Variants in ATP7B observed in about 807,000 individuals in gnomAD.
ATP7B encodes the protein copper-transporting ATPase 2.
Under a neutral mutation model 118.9 loss-of-function variants are expected in ATP7B, and 113 were observed. The ratio of observed to expected loss-of-function variants is 0.95; its 90% CI spans 0.82 to 1.11. The LOEUF is 1.11. Among genes scored for constraint, ATP7B ranks in the 50% most tolerant of loss-of-function variants. The pLI, the probability that ATP7B is intolerant of heterozygous loss-of-function variation, is 0.00. For missense variants in ATP7B, 1,867 were observed against 1,871.4 expected (o/e 1.00, Z 0.04); for synonymous variants, 777 against 727.4 (o/e 1.07, Z -1.10).
Position 51,944,238 on chromosome 13 carries a change from C to T in ATP7B, c.3114G>A (p.Arg1038=), listed in dbSNP as rs761888880. ...CCCCCAGCAGGAGCACCCGCATGAC[C>T]CTGGGGACGCCATGGGTAATGGTGC... ...KTGTITHGVP[R]VMRVLLLGDV... is the part of the protein sequence containing the mutation. Residue 1038 remains arginine (R), a synonymous_variant, in exon 14 of 21, where the codon AGG becomes AGA. Transcript: ENST00000242839. The T allele has an allele frequency of 1.1e-5, 18 of 1,613,962 alleles. No individual in the cohort carries two copies. Among genetic ancestry groups the T allele is most frequent in the African/African-American group, 4.0e-5 (3 of 74,924 alleles).
At chr13:51,948,158 G>A (rs151337128) in intron 12 of ATP7B, among the ~76,000 whole-genome samples, 1 of 152,298 alleles carries the variant, frequency 6.6e-6, no homozygotes, top group Admixed American at 6.5e-5. Context: ...ATTTGAGGGA[G>A]AAAATACATC....
In ATP7B at chr13:51,968,695, T is replaced by C. The variant is rs149275427; in HGVS notation, c.1544-88A>G. The C allele has an allele frequency of 1.4e-5, 21 of 1,476,770 alleles. No homozygotes were observed. In the Middle Eastern group the frequency reaches 1.2e-3, roughly 82 times the overall value. The allele number at this position is 1,476,770 out of a possible 1,614,324, so 91.5% of individuals were successfully genotyped here. On this transcript the variant is annotated intron_variant, in intron 3 of 20. Transcript: ENST00000242839. ...CAATATAACCGAACAAAGAAACACATCTTCCCAGAATCCTCTAGAACAGCA... is the reference window on the plus strand; with the variant it reads ...CAATATAACCGAACAAAGAAACACACCTTCCCAGAATCCTCTAGAACAGCA...
chr13:51,983,489 A>G (rs1952517146), intron 1 of ATP7B, among the ~76,000 whole-genome samples: 1 of 152,130 alleles, frequency 6.6e-6, no homozygotes, highest in Non-Finnish European at 1.5e-5. Context: ...GTGCAGCTTC[A>G]GCAGTCTCAA....
chr13:51,947,486 G>C (rs898114163), intron 12 of ATP7B, among the ~76,000 whole-genome samples: 2 of 152,164 alleles, frequency 1.3e-5, no homozygotes, highest in African/African-American at 4.8e-5. Context: ...ATAATCAAGA[G>C]ATACTATGTT....
intron 9 of ATP7B, among the ~76,000 whole-genome samples, chr13:51,951,085 T>A (rs921692515): frequency 6.6e-6 from 1 of 151,932 alleles, no homozygotes; most frequent in African/African-American, 2.4e-5. Flanking sequence ...GGCTGCTGCA[T>A]GAGAATGGGC....
chr13:51,960,604 G>A (rs544105907), intron 6 of ATP7B, among the ~76,000 whole-genome samples: 1 of 152,300 alleles, frequency 6.6e-6, no homozygotes, highest in South Asian at 2.1e-4. Flanking sequence ...GGTGAGGCAA[G>A]TGAGGCCCCA....
At chr13:51,967,561 C>T (rs576473340) in intron 4 of ATP7B, among the ~76,000 whole-genome samples, 3 of 152,168 alleles carry the variant, frequency 2.0e-5, no homozygotes, top group South Asian at 2.1e-4. Flanking sequence ...ATCAGCTATG[C>T]CCTCCAGACA....
Position 51,937,279 on chromosome 13 carries a change from C to T in ATP7B, c.4018G>A (p.Ala1340Thr). The T allele has an allele frequency of 1.2e-6, 2 of 1,613,772 alleles. No homozygotes were observed. Among genetic ancestry groups the T allele is most frequent in the East Asian group, 2.2e-5 (1 of 44,882 alleles). Residue 1340 changes from alanine to threonine, a missense_variant, in exon 19 of 21, where the codon GCA (alanine) becomes ACA (threonine). Ala to Thr is a moderately conservative substitution (Grantham distance 58). Coordinates refer to ENST00000242839, the MANE Select transcript of ATP7B (RefSeq NM_000053.4). ...ACAGTGGGTAAGAGCTGCCTACCTG[C>T]TGCAATGGGTATCCCAACCAGGTTA... ...IYNLVGIPIA[A>T]GVFMPIGIVL...
At chr13:51,942,339 A>G (rs376492632) in intron 15 of ATP7B, 47 bp downstream of exon 15, 152 of 1,610,760 alleles carry the variant, frequency 9.4e-5, no homozygotes, top group Non-Finnish European at 1.3e-4. Flanking sequence ...CTGTGGTTTG[A>G]CCCACCTCTA....
chr13:51,992,556 C>T (rs928441333), intron 1 of ATP7B, among the ~76,000 whole-genome samples: 9 of 152,174 alleles, frequency 5.9e-5, no homozygotes, highest in African/African-American at 2.2e-4. Context: ...CTTTGAGTCA[C>T]AATTGAAATT....
At chr13:52,011,547 T>A (rs1479475149), upstream of ATP7B, 9 of 655,938 alleles carry the variant, frequency 1.4e-5, no homozygotes, top group East Asian at 2.2e-4. Context: ...CACGGATGAT[T>A]CAAAGTTGCG....
chr13:51,989,059 T>A (rs1320332358), intron 1 of ATP7B, among the ~76,000 whole-genome samples: 1 of 152,012 alleles, frequency 6.6e-6, no homozygotes, highest in African/African-American at 2.4e-5. Flanking sequence ...GTATAATTTT[T>A]TAAAAAAAGA....
Position 51,974,771 on chromosome 13 carries a change from T to G in ATP7B, c.449A>C (p.Glu150Ala). The G allele has an allele frequency of 6.2e-7, 1 of 1,614,056 alleles. No individual in the cohort carries two copies. Among genetic ancestry groups the G allele is most frequent in the Admixed American group, 1.7e-5 (1 of 60,014 alleles). Residue 150 changes from glutamate (E) to alanine (A), a missense_variant, in exon 2 of 21, where the codon GAG (glutamate) becomes GCG (alanine). Coordinates refer to ENST00000242839, the MANE Select transcript of ATP7B (RefSeq NM_000053.4). ...GACACAGGACTGGCAGGTCATGCCCTCCACCCGGAGCTTGACCACAGCCTC... is the reference window on the plus strand; with the variant it reads ...GACACAGGACTGGCAGGTCATGCCCGCCACCCGGAGCTTGACCACAGCCTC... ...AQEAVVKLRV[E>A]GMTCQSCVSS...
intron 1 of ATP7B, among the ~76,000 whole-genome samples, chr13:51,983,662 G>GC (rs35703144): frequency 0.7 from 106,211 of 151,828 alleles, 37,280 homozygotes; most frequent in Middle Eastern, 0.74. Context: ...ATACAAGAGA[G>GC]TCTGGCTGGC....
At chr13:51,948,644 T>TC (rs759443946) in intron 12 of ATP7B, among the ~76,000 whole-genome samples, 27 of 152,026 alleles carry the variant, frequency 1.8e-4, no homozygotes, top group Non-Finnish European at 3.8e-4. Flanking sequence ...TTTAGCAGCA[T>TC]CCCCCCAGTC....
chr13:51,958,565 A>C, intron 7 of ATP7B, 21 bp from the exon 8 acceptor site: 1 of 1,606,928 alleles, frequency 6.2e-7, no homozygotes, highest in Non-Finnish European at 8.5e-7. Flanking sequence ...AGGACAGTGA[A>C]GGCTGCCAGC....
At chr13:52,004,642 C>T (rs1953684565) in intron 1 of ATP7B, among the ~76,000 whole-genome samples, 1 of 152,146 alleles carries the variant, frequency 6.6e-6, no homozygotes. Flanking sequence ...CAGCTTATAA[C>T]TAGGCCTTTC....
chr13:51,984,679 C>T (rs1443632618), intron 1 of ATP7B, among the ~76,000 whole-genome samples: 1 of 152,162 alleles, frequency 6.6e-6, no homozygotes, highest in Non-Finnish European at 1.5e-5. Context: ...GGTCAGGTTA[C>T]CCACAAAGGG....
rs143323602 is a variant in ATP7B, at chr13:51,969,709, T to C, written c.1543+783A>G. Among the ~76,000 whole-genome samples, 459 of 152,292 alleles carry C rather than the reference T, an allele frequency of 3.0e-3. 1 individual carries two copies. The highest frequency in any genetic ancestry group is 4.5e-3 in the Non-Finnish European group (305 of 68,022). ...CAGAAACATAGGCTATAGGAGATTA[T>C]AGGCTAATTTTATGAGCAGTCAGAC... is the stretch of plus-strand genomic sequence containing the variant. On this transcript the variant is annotated intron_variant, in intron 3 of 20. Coordinates refer to ENST00000242839, the MANE Select transcript of ATP7B (RefSeq NM_000053.4).
Sources: gnomAD v4.1 joint callset for allele counts (sites outside exome capture counted in the v4.1 genomes callset) on GRCh38, gnomAD v4.1.1 for gene constraint, MANE v1.5 for transcripts, NCBI Gene and HGNC (gene_info 2026-07-23, HGNC 2026-07-21) for gene names.